Variants in GNL3L observed in about 807,000 individuals in gnomAD.
GNL3L encodes the protein G protein nucleolar 3 like.
Under a neutral mutation model 42.9 loss-of-function variants are expected in GNL3L, and 4 were observed. That is an observed-to-expected ratio of 0.09 (90% CI 0.05 to 0.21). GNL3L has a LOEUF of 0.21. Among genes scored for constraint, GNL3L ranks in the 10% least tolerant of loss-of-function variants. The pLI is 1.00. For missense variants in GNL3L, 412 were observed against 481.7 expected, an observed-to-expected ratio of 0.86 and a Z score of 1.36; for synonymous variants, 159 against 176.3, an observed-to-expected ratio of 0.90 and a Z score of 0.78.
chrX:54,614,114 T>TG (rs1222521008), intron 16 of GNL3L, among the ~76,000 whole-genome samples: 1 of 109,554 alleles, frequency 9.1e-6, no homozygotes, highest in African/African-American at 3.3e-5. Context: ...CTGTGGAGGG[T>TG]GGGGGTGAGA....
At chrX:54,614,222 G>T in intron 16 of GNL3L, among the ~76,000 whole-genome samples, 1 of 110,947 alleles carries the variant, frequency 9.0e-6, no homozygotes, top group Admixed American at 9.6e-5. Context: ...AGCAGTCGCA[G>T]ATCTCACCCA....
rs538024268 is a variant in GNL3L, at chrX:54,607,159, T to C, written c.*46-13686T>C. Among the ~76,000 whole-genome samples, 17 of 91,098 alleles carry C rather than the reference T, an allele frequency of 1.9e-4. No individual in the cohort carries two copies. In the East Asian group the frequency reaches 4.2e-3, roughly 22 times the overall value. The allele number at this position is 91,098 out of a possible 115,157, so 79.1% of individuals were successfully genotyped here. A position where few individuals can be genotyped will look rare whatever the true frequency, so the allele number is the denominator to read the frequency against. ...TTTCTTTGTCTCTCTCTCTCTCTCTTTCTTTCTTTTTGTATATTTGCAAAT... is the reference window on the plus strand; with the variant it reads ...TTTCTTTGTCTCTCTCTCTCTCTCTCTCTTTCTTTTTGTATATTTGCAAAT... On this transcript the variant is annotated intron_variant, in intron 16 of 16. Transcript: ENST00000674498.
At chrX:54,623,704 A>G (rs1926318538), downstream of GNL3L, among the ~76,000 whole-genome samples, 1 of 111,703 alleles carries the variant, frequency 9.0e-6, no homozygotes, top group Admixed American at 9.5e-5. Flanking sequence ...TGTAGTTTTC[A>G]GTGTACAAGC....
chrX:54,583,692 A>G (rs1416178652), intron 16 of GNL3L, among the ~76,000 whole-genome samples: 1 of 110,724 alleles, frequency 9.0e-6, no homozygotes, highest in Non-Finnish European at 1.9e-5. Context: ...CCCACGTTGC[A>G]GTGTAGTGGT....
intron 15 of GNL3L, among the ~76,000 whole-genome samples, chrX:54,559,927 G>C (rs1441874527): frequency 9.0e-6 from 1 of 111,687 alleles, no homozygotes; most frequent in Non-Finnish European, 1.9e-5. Context: ...TAGGGAGTGA[G>C]GAGGAGACAA....
At chrX:54,578,051 T>C (rs374464148) in intron 16 of GNL3L, among the ~76,000 whole-genome samples, 1 of 112,103 alleles carries the variant, frequency 8.9e-6, no homozygotes, top group East Asian at 2.8e-4. Context: ...CCCTTTGTGG[T>C]AGTATTATCG....
intron 15 of GNL3L, among the ~76,000 whole-genome samples, chrX:54,558,973 T>C (rs1164019163): frequency 6.2e-5 from 7 of 112,272 alleles, no homozygotes; most frequent in Admixed American, 1.9e-4. Flanking sequence ...GGGATCTTGA[T>C]TGGGGCTCCT....
At chrX:54,623,288 G>A (rs373820566), downstream of GNL3L, among the ~76,000 whole-genome samples, 5 of 111,613 alleles carry the variant, frequency 4.5e-5, no homozygotes, top group East Asian at 2.8e-4. Flanking sequence ...CCTTTGAGAC[G>A]GAGTCTCACT....
intron 2 of GNL3L, among the ~76,000 whole-genome samples, chrX:54,536,614 G>A (rs1924432781): frequency 9.2e-6 from 1 of 108,844 alleles, no homozygotes; most frequent in Admixed American, 9.9e-5. Context: ...GCGAAACCCC[G>A]TCTCTACTAA....
chrX:54,617,139 C>G (rs1926229775), intron 16 of GNL3L, among the ~76,000 whole-genome samples: 1 of 111,715 alleles, frequency 9.0e-6, no homozygotes, highest in African/African-American at 3.3e-5. Context: ...TGTGCTTGTG[C>G]CTGGATCCCA....
chrX:54,583,664 G>A (rs1195545267), intron 16 of GNL3L, among the ~76,000 whole-genome samples: 1 of 109,810 alleles, frequency 9.1e-6, no homozygotes, highest in African/African-American at 3.3e-5. Flanking sequence ...TTTTTTTTGA[G>A]ACAAGGTCTC....
intron 16 of GNL3L, among the ~76,000 whole-genome samples, chrX:54,587,327 T>C (rs1359940689): frequency 3.6e-5 from 4 of 112,652 alleles, no homozygotes; most frequent in Non-Finnish European, 7.5e-5. Flanking sequence ...CTGGATGATC[T>C]GTCCAATGCT....
chrX:54,592,249 C>T (rs868686698), intron 16 of GNL3L, among the ~76,000 whole-genome samples: 7 of 111,943 alleles, frequency 6.3e-5, no homozygotes, highest in Admixed American at 1.9e-4. Flanking sequence ...ACCATATCTC[C>T]TACAATGAAG....
intron 14 of GNL3L, 139 bp from the exon 15 acceptor site, chrX:54,558,297 G>T: frequency 4.3e-6 from 2 of 466,278 alleles, no homozygotes; most frequent in African/African-American, 4.8e-5. Flanking sequence ...AGTGTGGTGG[G>T]GCCAGAATTG....
chrX:54,579,153 A>G (rs1925672316), intron 16 of GNL3L, among the ~76,000 whole-genome samples: 1 of 111,825 alleles, frequency 8.9e-6, no homozygotes, highest in Non-Finnish European at 1.9e-5. Context: ...TATATATTCT[A>G]TAAGTCCGTG....
In GNL3L at chrX:54,560,757, C is replaced by T; in HGVS notation, c.*155C>T. On this transcript the variant is annotated 3_prime_UTR_variant, in exon 16 of 16. Transcript: ENST00000360845. ...TCCCCCTCCTCCAGTAAAAACAGTCCCGGCTAGGTGCTGTGGCTCACGTCT... is the reference window on the plus strand; with the variant it reads ...TCCCCCTCCTCCAGTAAAAACAGTCTCGGCTAGGTGCTGTGGCTCACGTCT... 4.6e-6 allele frequency: 2 copies of T among 436,510 alleles called. No individual in the cohort carries two copies. Among genetic ancestry groups the T allele is most frequent in the South Asian group, 7.6e-5 (2 of 26,481 alleles). The allele number at this position is 436,510 out of a possible 1,213,427, so 36.0% of individuals were successfully genotyped here. A position where few individuals can be genotyped will look rare whatever the true frequency, so the allele number is the denominator to read the frequency against.
rs1379548901 is a variant in GNL3L, at chrX:54,561,206, GC to G, written c.*605del. 1 of 112,217 alleles carries G rather than the reference GC, an allele frequency of 8.9e-6. No individual in the cohort carries two copies. Among genetic ancestry groups the G allele is most frequent in the East Asian group, 2.8e-4 (1 of 3,568 alleles). 9.2% of individuals were successfully genotyped at this position (112,217 alleles called of 1,213,427 possible). A position where few individuals can be genotyped will look rare whatever the true frequency, so the allele number is the denominator to read the frequency against. ...GCTCAGGTGCTAACACCTGTTGAGG[GC>G]TGACCTACAAAACTCTGCCTACAAA... On this transcript the variant is annotated 3_prime_UTR_variant, in exon 16 of 16. Transcript: ENST00000360845.
chrX:54,583,990 G>T (rs1029451350), intron 16 of GNL3L, among the ~76,000 whole-genome samples: 2 of 110,881 alleles, frequency 1.8e-5, no homozygotes, highest in Non-Finnish European at 3.8e-5. Flanking sequence ...ATTGAGTTTG[G>T]AAAGAACATA....
At chrX:54,548,468 G>C (rs961746837) in intron 9 of GNL3L, 95 bp downstream of exon 9, 2 of 699,585 alleles carry the variant, frequency 2.9e-6, no homozygotes, top group African/African-American at 2.2e-5. Context: ...TGTCTTTTGC[G>C]GGGAGAGAGG....
Sources: allele counts gnomAD v4.1 joint callset (sites outside exome capture counted in the v4.1 genomes callset), GRCh38; gene constraint gnomAD v4.1.1; transcripts MANE v1.5; gene names NCBI Gene and HGNC (gene_info 2026-07-23, HGNC 2026-07-21).